Variants in PRKN observed in about 807,000 individuals in gnomAD.
PRKN encodes E3 ubiquitin-protein ligase parkin.
Under a neutral mutation model 59.5 loss-of-function variants are expected in PRKN, and 56 were observed. That is an observed-to-expected ratio of 0.94 (90% CI 0.76 to 1.18). The LOEUF (loss-of-function observed/expected upper bound fraction) is 1.18, where lower values mean the gene tolerates loss of function less well. Ranked by LOEUF, PRKN falls within the 50% of genes most tolerant of loss-of-function variation. The pLI is 0.00. For synonymous variants in PRKN, 250 were observed against 222.1 expected, an observed-to-expected ratio of 1.13 and a Z score of -1.12; for missense variants, 657 against 596.4, an observed-to-expected ratio of 1.10 and a Z score of -1.06.
chr6:161,439,323 C>T (rs1336866229), intron 9 of PRKN, among the ~76,000 whole-genome samples: 2 of 152,164 alleles, frequency 1.3e-5, no homozygotes, highest in Non-Finnish European at 2.9e-5. Context: ...GAGGCTGCAT[C>T]CCTCGCCTGA....
intron 7 of PRKN, among the ~76,000 whole-genome samples, chr6:161,574,469 T>A (rs1049862815): frequency 7.2e-5 from 11 of 152,290 alleles, no homozygotes; most frequent in Middle Eastern, 3.4e-3. Flanking sequence ...CTGCGTTGAC[T>A]CTTAATGACT....
At chr6:161,648,074 T>C (rs1015509102) in intron 7 of PRKN, among the ~76,000 whole-genome samples, 1 of 152,232 alleles carries the variant, frequency 6.6e-6, no homozygotes, top group African/African-American at 2.4e-5. Context: ...ATGTGGTCTT[T>C]TGGCTCTCTT....
chr6:162,119,070 G>C (rs1328654634), intron 4 of PRKN, among the ~76,000 whole-genome samples: 1 of 152,200 alleles, frequency 6.6e-6, no homozygotes, highest in Non-Finnish European at 1.5e-5. Context: ...GTAAGTGAGG[G>C]TGAATTTCTA....
intron 2 of PRKN, among the ~76,000 whole-genome samples, chr6:162,440,105 T>C (rs1789980469): frequency 1.3e-5 from 2 of 151,256 alleles, no homozygotes; most frequent in Non-Finnish European, 2.9e-5. Context: ...ATCATTCGTT[T>C]TCAATGTCTA....
In PRKN at chr6:162,196,769, T is replaced by C. The variant is rs559095136; in HGVS notation, c.534+4362A>G. Among the ~76,000 whole-genome samples the C allele has an allele frequency of 2.1e-3, 315 of 152,308 alleles. 1 individual carries two copies. The highest frequency in any genetic ancestry group is 6.1e-3 in the Admixed American group (93 of 15,304). ...TCCTTTACAATTTGTTAGAGTATCA[T>C]ATTAAATGTGAAACATGATTAAACT... is the stretch of plus-strand genomic sequence containing the variant. On this transcript the variant is annotated intron_variant, in intron 4 of 11. Transcript: ENST00000366898.
intron 2 of PRKN, among the ~76,000 whole-genome samples, chr6:162,391,876 G>A (rs940511309): frequency 2.6e-5 from 4 of 152,054 alleles, no homozygotes; most frequent in African/African-American, 9.7e-5. Context: ...TTTCTAAAAG[G>A]CCAACGCATT....
At position 161,467,392 on chromosome 6, in the gene PRKN, A is replaced by G. The variant is rs1790529993; in HGVS notation, c.1084-80515T>C. ...TGGAGTATATACGTTATTAACTGAT[A>G]AGTTCAGTCCAGCACACACTTACCA... On this transcript the variant is annotated intron_variant, in intron 9 of 11. Transcript: ENST00000366898. This position sits in a 1 kb window ranked among gnomAD's most constrained non-coding sequence, Gnocchi z 4.3. Among the ~76,000 whole-genome samples, 1 of 152,204 alleles carries G rather than the reference A, an allele frequency of 6.6e-6. No individual in the cohort carries two copies. The highest frequency in any genetic ancestry group is 1.5e-5 in the Non-Finnish European group (1 of 68,048).
Position 161,858,175 on chromosome 6 carries a change from AT to A in PRKN, c.735-72268del. On this transcript the variant is annotated intron_variant, in intron 6 of 11. Coordinates refer to ENST00000366898, the MANE Select transcript of PRKN (RefSeq NM_004562.3). ...TTTGAAAACTGATCACAAGTAAGAGATTTTAGTTACAGCTTTCTTTTGCTTC... is the reference window on the plus strand; with the variant it reads ...TTTGAAAACTGATCACAAGTAAGAGATTTAGTTACAGCTTTCTTTTGCTTC... Among the ~76,000 whole-genome samples the A allele has an allele frequency of 4.6e-5, 7 of 152,334 alleles. 1 individual carries two copies. Among genetic ancestry groups the A allele is most frequent in the Admixed American group, 4.6e-4 (7 of 15,302 alleles).
chr6:162,038,493 C>T (rs113370666), intron 5 of PRKN, among the ~76,000 whole-genome samples: 328 of 152,276 alleles, frequency 2.2e-3, no homozygotes, highest in African/African-American at 7.3e-3. Context: ...GTCACCTATA[C>T]ATCTGTATCA....
Position 161,929,769 on chromosome 6 carries a change from C to T in PRKN, c.734+43533G>A, listed in dbSNP as rs556876339. Among the ~76,000 whole-genome samples the T allele has an allele frequency of 2.0e-5, 3 of 152,200 alleles. No individual in the cohort carries two copies. The South Asian group carries it at 6.2e-4, about 32-fold the overall frequency. On this transcript the variant is annotated intron_variant, in intron 6 of 11. Transcript: ENST00000366898. ...CCACAAATGATCTACCTGCCTCACC[C>T]TCCCAAAGTGCTGTGACATAGGCAT...
intron 1 of PRKN, among the ~76,000 whole-genome samples, chr6:162,542,934 C>A (rs990209148): frequency 1.3e-5 from 2 of 152,074 alleles, no homozygotes; most frequent in Non-Finnish European, 2.9e-5. Flanking sequence ...ACACCTCCAG[C>A]CCCTCTGAGG....
At chr6:162,389,757 C>G (rs1000427562) in intron 2 of PRKN, among the ~76,000 whole-genome samples, 10 of 152,200 alleles carry the variant, frequency 6.6e-5, no homozygotes, top group African/African-American at 2.4e-4. Flanking sequence ...AGTGGTAAAG[C>G]TGGAATTCAA....
At chr6:162,499,910 CA>C (rs893620478) in intron 1 of PRKN, among the ~76,000 whole-genome samples, 3 of 151,686 alleles carry the variant, frequency 2.0e-5, no homozygotes, top group South Asian at 4.2e-4. Flanking sequence ...AAAACCTTAC[CA>C]AAAAAAAGGT....
intron 1 of PRKN, among the ~76,000 whole-genome samples, chr6:162,609,656 A>T: frequency 6.6e-6 from 1 of 152,350 alleles, no homozygotes; most frequent in Non-Finnish European, 1.5e-5. Context: ...TGGATATTTA[A>T]ATTCTTATTT....
rs1004306679 is a variant in PRKN at position 161,359,533 on chromosome 6, G to A, written c.1285+555C>T. ...TGCATCACATTGAGAAAGGGCTCTC[G>A]GACCACTGGTTGTGATGGCTTTGCC... is the stretch of plus-strand genomic sequence containing the variant. On this transcript the variant is annotated intron_variant, in intron 11 of 11. Transcript: ENST00000366898. The surrounding 1 kb of genome is among the most constrained non-coding windows in gnomAD (Gnocchi z 5.4). 3.3e-5 allele frequency among the ~76,000 whole-genome samples: 5 copies of A among 152,210 alleles called. No individual in the cohort carries two copies. The highest frequency in any genetic ancestry group is 7.4e-5 in the Non-Finnish European group (5 of 68,026).
chr6:161,590,375 A>G (rs1392163945), intron 7 of PRKN, among the ~76,000 whole-genome samples: 2 of 152,002 alleles, frequency 1.3e-5, no homozygotes, highest in Non-Finnish European at 2.9e-5. Flanking sequence ...AGGTGGGTGG[A>G]TCAGTTGAGG....
rs1216320430 is a variant in PRKN at position 161,442,001 on chromosome 6, GTT to G, written c.1084-55126_1084-55125del. On this transcript the variant is annotated intron_variant, in intron 9 of 11. Transcript: ENST00000366898. The surrounding 1 kb of genome is among the most constrained non-coding windows in gnomAD (Gnocchi z 4.6). ...CAAGCAGGGAGGACATCGCCAATGA[GTT>G]TCTGGTTTTCACTTCAGAAGTTATA... Among the ~76,000 whole-genome samples, 41 of 152,316 alleles carry G rather than the reference GTT, an allele frequency of 2.7e-4. No individual in the cohort carries two copies. The highest frequency in any genetic ancestry group is 1.9e-3 in the Admixed American group (29 of 15,300).
chr6:162,359,962 G>A (rs998169067), intron 2 of PRKN, among the ~76,000 whole-genome samples: 3 of 151,996 alleles, frequency 2.0e-5, no homozygotes, highest in Admixed American at 6.6e-5. Context: ...TCTTCAAAAT[G>A]TTTTCTAAAC....
Position 161,832,186 on chromosome 6 carries a change from A to T in PRKN, c.735-46278T>A, listed in dbSNP as rs1443498156. ...GCAACTTCAAGAGAAATGCAAATGT[A>T]TATTAGGGATGCCTGATGTTTTAAA... On this transcript the variant is annotated intron_variant, in intron 6 of 11. Coordinates refer to ENST00000366898, the MANE Select transcript of PRKN (RefSeq NM_004562.3). Among the ~76,000 whole-genome samples, 4 of 152,250 alleles carry T rather than the reference A, an allele frequency of 2.6e-5. No individual in the cohort carries two copies. The East Asian group carries it at 7.7e-4, about 29-fold the overall frequency.
Sources: gnomAD v4.1 joint callset for allele counts (sites outside exome capture counted in the v4.1 genomes callset) on GRCh38, gnomAD v4.1.1 for gene constraint, Gnocchi (gnomAD v3.1) non-coding constraint, MANE v1.5 for transcripts, NCBI Gene and HGNC (gene_info 2026-07-23, HGNC 2026-07-21) for gene names.